The following CEP85L variants were observed in gnomAD, a reference collection of about 807,000 sequenced individuals.
CEP85L encodes centrosomal protein 85L.
A neutral mutation model predicts 100.3 loss-of-function variants in CEP85L; 60 were observed. The observed-to-expected ratio is 0.60, with a 90% CI of 0.49 to 0.74. The LOEUF is 0.74. Ranked by LOEUF, CEP85L falls within the 30% of genes least tolerant of loss-of-function variation. The pLI is 0.00. For synonymous variants in CEP85L, 319 were observed against 322.7 expected (o/e 0.99, Z 0.12); for missense variants, 973 against 936.2 (o/e 1.04, Z -0.51).
chr6:118,618,534 G>T (rs1168423747), intron 2 of CEP85L, among the ~76,000 whole-genome samples: 1 of 152,070 alleles, frequency 6.6e-6, no homozygotes, highest in Admixed American at 6.5e-5. Context: ...TTTTTTTGGT[G>T]CCTCTCAAGT....
intron 4 of CEP85L, among the ~76,000 whole-genome samples, chr6:118,513,707 C>T (rs938286013): frequency 2.6e-5 from 4 of 151,638 alleles, no homozygotes; most frequent in Admixed American, 6.6e-5. Flanking sequence ...TTTTTGGAAA[C>T]TTAAAAGCTG....
intron 1 of CEP85L, among the ~76,000 whole-genome samples, 183 bp downstream of exon 1, chr6:118,651,014 G>A (rs1775517379): frequency 6.6e-6 from 1 of 152,146 alleles, no homozygotes; most frequent in African/African-American, 2.4e-5. Context: ...ATGCGCCTGG[G>A]ACGCGGCAAG....
At chr6:118,517,245 T>A (rs1368314985) in intron 4 of CEP85L, among the ~76,000 whole-genome samples, 1 of 152,228 alleles carries the variant, frequency 6.6e-6, no homozygotes, top group African/African-American at 2.4e-5. Flanking sequence ...TGGTTCCATA[T>A]GAAATTTAAA....
chr6:118,550,534 G>C lies in CEP85L; in HGVS notation c.1020+14995C>G, dbSNP rs570004639. On this transcript the variant is annotated intron_variant, in intron 3 of 12. Coordinates refer to ENST00000368491, the MANE Select transcript of CEP85L (RefSeq NM_001042475.3). The stretch of plus-strand genomic sequence containing the variant: ...ACTCGTGTACACAAATATTTCATTT[G>C]GTCCTCTTAATTATATATTTGATAC... 2.0e-5 allele frequency among the ~76,000 whole-genome samples: 3 copies of C among 151,692 alleles called. No homozygotes were observed. The East Asian group carries it at 5.8e-4, about 29-fold the overall frequency.
chr6:118,692,369 A>G (rs62423999), intron 1 of CEP85L, among the ~76,000 whole-genome samples: 33,552 of 152,118 alleles, frequency 0.22, 4,858 homozygotes, highest in Non-Finnish European at 0.32. Flanking sequence ...GAAGAACTAT[A>G]TGTCCATATA....
At chr6:118,699,820 G>A (rs1367372158) in intron 1 of CEP85L, among the ~76,000 whole-genome samples, 3 of 152,134 alleles carry the variant, frequency 2.0e-5, no homozygotes, top group Non-Finnish European at 2.9e-5. Context: ...TCAGCCTCCC[G>A]AGTAGCGGGG....
intron 3 of CEP85L, among the ~76,000 whole-genome samples, chr6:118,563,870 A>G (rs1215966572): frequency 1.3e-5 from 2 of 152,206 alleles, no homozygotes; most frequent in African/African-American, 4.8e-5. Flanking sequence ...GTAGTTTTCT[A>G]AGGAGGAAAT....
At chr6:118,592,678 A>C (rs938667886) in intron 2 of CEP85L, among the ~76,000 whole-genome samples, 1 of 152,158 alleles carries the variant, frequency 6.6e-6, no homozygotes, top group African/African-American at 2.4e-5. Context: ...TAATTGTACC[A>C]CATTAAATTT....
chr6:118,685,917 T>C (rs1776814743), intron 1 of CEP85L, among the ~76,000 whole-genome samples: 1 of 152,150 alleles, frequency 6.6e-6, no homozygotes, highest in South Asian at 2.1e-4. Flanking sequence ...AAACATTGCT[T>C]AAGGAAGAAC....
chr6:118,471,171 T>C lies in CEP85L; in HGVS notation c.1915-527A>G, dbSNP rs200734068. On this transcript the variant is annotated intron_variant, in intron 10 of 12. Transcript: ENST00000368491. ...CTGTGAACTCTGGGTCAAAGGTCTA[T>C]TATGGGAATTTGATAAGCTAATCTC... Among the ~76,000 whole-genome samples, 23 of 152,154 alleles carry C rather than the reference T, an allele frequency of 1.5e-4. 1 individual carries two copies. The East Asian group carries it at 3.9e-3, about 26-fold the overall frequency.
chr6:118,647,130 C>A (rs1426938800), intron 1 of CEP85L: 1 of 904,466 alleles, frequency 1.1e-6, no homozygotes, highest in African/African-American at 1.8e-5. Context: ...TAATTCAGAA[C>A]CACAGCAGAA....
intron 3 of CEP85L, among the ~76,000 whole-genome samples, chr6:118,556,624 T>C (rs1426407815): frequency 6.6e-6 from 1 of 152,210 alleles, no homozygotes; most frequent in Admixed American, 6.5e-5. Flanking sequence ...CAGGTTGAGA[T>C]GGGCTTTTAT....
chr6:118,555,355 G>C (rs905404428), intron 3 of CEP85L, among the ~76,000 whole-genome samples: 1 of 150,944 alleles, frequency 6.6e-6, no homozygotes, highest in Non-Finnish European at 1.5e-5. Context: ...GTGAACCCGG[G>C]AGGTGGAGCT....
At chr6:118,466,806 TA>T (rs1342527219) in intron 12 of CEP85L, among the ~76,000 whole-genome samples, 1 of 151,890 alleles carries the variant, frequency 6.6e-6, no homozygotes, top group Non-Finnish European at 1.5e-5. Flanking sequence ...TAAAATGGAT[TA>T]GGGGGAGGGG....
chr6:118,534,279 C>T (rs1055076039), intron 3 of CEP85L, among the ~76,000 whole-genome samples: 1 of 152,038 alleles, frequency 6.6e-6, no homozygotes, highest in Non-Finnish European at 1.5e-5. Flanking sequence ...TTATCATTTA[C>T]ATCAAAAACA....
At chr6:118,705,780 TA>T (rs1777574109) in intron 1 of CEP85L, among the ~76,000 whole-genome samples, 1 of 152,230 alleles carries the variant, frequency 6.6e-6, no homozygotes, top group African/African-American at 2.4e-5. Context: ...TTTAATAATT[TA>T]ATGGGAATGG....
intron 2 of CEP85L, among the ~76,000 whole-genome samples, chr6:118,576,812 A>G (rs1358335767): frequency 6.6e-6 from 1 of 152,216 alleles, no homozygotes; most frequent in Admixed American, 6.5e-5. Flanking sequence ...TAAAAATTAA[A>G]GATCTAAAGC....
At chr6:118,627,850 A>C (rs975811508) in intron 2 of CEP85L, among the ~76,000 whole-genome samples, 5 of 152,242 alleles carry the variant, frequency 3.3e-5, no homozygotes, top group African/African-American at 1.2e-4. Context: ...AACAGAGCCT[A>C]ACTTACCTTG....
chr6:118,706,670 C>CA (rs1777601065), intron 1 of CEP85L, among the ~76,000 whole-genome samples: 1 of 152,170 alleles, frequency 6.6e-6, no homozygotes, highest in African/African-American at 2.4e-5. Flanking sequence ...TTTCTTTTCT[C>CA]AACTTGAGAT....
Sources: allele counts gnomAD v4.1 joint callset (sites outside exome capture counted in the v4.1 genomes callset), GRCh38; gene constraint gnomAD v4.1.1; transcripts MANE v1.5; gene names NCBI Gene and HGNC (gene_info 2026-07-23, HGNC 2026-07-21).